The following AXL variants were observed in gnomAD, a reference collection of about 807,000 sequenced individuals.
The protein encoded by AXL is AXL receptor tyrosine kinase.
AXL carries 52 observed loss-of-function variants against 104.5 expected under a neutral mutation model. The ratio of observed to expected loss-of-function variants is 0.50; its 90% CI spans 0.40 to 0.63. The LOEUF (loss-of-function observed/expected upper bound fraction) is 0.63, where lower values mean the gene tolerates loss of function less well. Ranked by LOEUF, AXL falls within the 20% of genes least tolerant of loss-of-function variation. The pLI is 0.00. For missense variants in AXL, 1,024 were observed against 1,188.5 expected (o/e 0.86, Z 2.04); for synonymous variants, 455 against 473.7 (o/e 0.96, Z 0.51).
Position 41,242,906 on chromosome 19 carries a change from T to C in AXL, c.1336T>C (p.Phe446Leu), listed in dbSNP as rs767254271. The C allele has an allele frequency of 1.2e-6, 2 of 1,614,188 alleles. No homozygotes were observed. Among genetic ancestry groups the C allele is most frequent in the East Asian group, 4.5e-5 (2 of 44,876 alleles). Residue 446 changes from phenylalanine to leucine, a missense_variant, in exon 11 of 20, where the codon TTC becomes CTC. This residue lies in a region of AXL where 523 missense variants were observed against 636.0 expected (regional missense o/e 0.82). Coordinates refer to ENST00000301178, the MANE Select transcript of AXL (RefSeq NM_021913.5). Reference protein sequence around the residue: ...QLVKEPSTPAFSWPWWYVLLG... With the variant: ...QLVKEPSTPALSWPWWYVLLG... Reference sequence around the variant, plus strand: ...AGTGAAGGAACCTTCAACTCCTGCCTTCTCGTGGCCCTGGTGGTATGTACT... The same window carrying C: ...AGTGAAGGAACCTTCAACTCCTGCCCTCTCGTGGCCCTGGTGGTATGTACT...
chr19:41,243,519 A>G (rs1357822392), intron 11 of AXL, 97 bp from the exon 12 acceptor site: 4 of 943,872 alleles, frequency 4.2e-6, no homozygotes, highest in Non-Finnish European at 7.0e-6. Flanking sequence ...GAGGGCAGGC[A>G]GGGCTTGAGG....
At chr19:41,231,447 G>C in intron 6 of AXL, 149 bp downstream of exon 6, 1 of 725,616 alleles carries the variant, frequency 1.4e-6, no homozygotes, top group Non-Finnish European at 2.2e-6. Flanking sequence ...TCCTGGGTTC[G>C]AATCCTAGCT....
At chr19:41,228,586 G>A (rs11669668) in intron 4 of AXL, among the ~76,000 whole-genome samples, 3,610 of 152,074 alleles carry the variant, frequency 0.024, 65 homozygotes, top group Middle Eastern at 0.048. Flanking sequence ...GACACAATAC[G>A]TGAACTCCCC....
At chr19:41,254,273 T>C (rs1179595486) in intron 17 of AXL, among the ~76,000 whole-genome samples, 3 of 148,210 alleles carry the variant, frequency 2.0e-5, no homozygotes, top group African/African-American at 5.0e-5. Context: ...TGTGCGCCTG[T>C]AATCCCAACA....
intron 4 of AXL, among the ~76,000 whole-genome samples, chr19:41,223,251 C>T (rs1212442259): frequency 6.6e-6 from 1 of 152,126 alleles, no homozygotes; most frequent in East Asian, 1.9e-4. Flanking sequence ...GCCGAGATCA[C>T]ACCACTGCAC....
chr19:41,237,576 A>G (rs1479781649), intron 6 of AXL, among the ~76,000 whole-genome samples: 1 of 152,122 alleles, frequency 6.6e-6, no homozygotes, highest in Admixed American at 6.6e-5. Flanking sequence ...CACTATTATT[A>G]TCGGTGCTGA....
intron 6 of AXL, among the ~76,000 whole-genome samples, chr19:41,233,034 G>A (rs1379511571): frequency 6.6e-6 from 1 of 151,656 alleles, no homozygotes; most frequent in African/African-American, 2.4e-5. Context: ...CTGTTACCCA[G>A]ACTGGAGTGC....
At chr19:41,252,545 C>T (rs1444741987) in intron 15 of AXL, 102 bp downstream of exon 15, 5 of 1,344,316 alleles carry the variant, frequency 3.7e-6, no homozygotes, top group Admixed American at 1.9e-5. Flanking sequence ...TTCCAGGCTT[C>T]CTGCTCCCCG....
intron 12 of AXL, among the ~76,000 whole-genome samples, chr19:41,246,759 T>A (rs2034278449): frequency 6.6e-6 from 1 of 152,152 alleles, no homozygotes; most frequent in Admixed American, 6.5e-5. Flanking sequence ...CTGGCTATGT[T>A]GCCCAGGCTG....
At chr19:41,231,100 C>T (rs1026304928) in intron 5 of AXL, 53 bp downstream of exon 5, 21 of 1,610,382 alleles carry the variant, frequency 1.3e-5, no homozygotes, top group Middle Eastern at 1.7e-4. Flanking sequence ...GGTTTGGGTC[C>T]GGGGTCAGAG....
intron 16 of AXL, among the ~76,000 whole-genome samples, chr19:41,253,344 C>A (rs538351400): frequency 6.6e-6 from 1 of 152,176 alleles, no homozygotes; most frequent in South Asian, 2.1e-4. Context: ...TGGGAATGAT[C>A]ATCGTTTGTC....
intron 18 of AXL, among the ~76,000 whole-genome samples, chr19:41,257,099 A>T (rs1387213211): frequency 6.6e-6 from 1 of 152,120 alleles, no homozygotes. Context: ...GCTGCAGTGC[A>T]ATGGCATGAT....
intron 4 of AXL, chr19:41,226,684 C>T: frequency 7.5e-6 from 7 of 928,794 alleles, no homozygotes; most frequent in Non-Finnish European, 9.0e-6. Flanking sequence ...AACACATGCA[C>T]GTACACACCA....
intron 4 of AXL, among the ~76,000 whole-genome samples, chr19:41,224,993 G>GT (rs772669055): frequency 6.6e-6 from 1 of 152,124 alleles, no homozygotes; most frequent in African/African-American, 2.4e-5. Flanking sequence ...ACGAAACTGT[G>GT]TTTTTTTGTT....
chr19:41,257,036 T>TTA (rs771481757), intron 18 of AXL, among the ~76,000 whole-genome samples: 3 of 152,120 alleles, frequency 2.0e-5, no homozygotes, highest in African/African-American at 7.2e-5. Flanking sequence ...CAAGTATTTT[T>TTA]TATATATATA....
chr19:41,254,679 G>A (rs900547620), intron 17 of AXL, among the ~76,000 whole-genome samples: 7 of 152,016 alleles, frequency 4.6e-5, no homozygotes, highest in African/African-American at 1.7e-4. Context: ...AGCCCTTTGG[G>A]AGGCTGAGGC....
intron 4 of AXL, among the ~76,000 whole-genome samples, chr19:41,227,676 C>T (rs527289305): frequency 2.6e-5 from 4 of 151,888 alleles, no homozygotes; most frequent in South Asian, 2.1e-4. Context: ...TTAGTAGAGA[C>T]GGGGGTTTCA....
chr19:41,253,847 A>AG (rs1201370698), intron 17 of AXL, 139 bp downstream of exon 17: 1 of 692,556 alleles, frequency 1.4e-6, no homozygotes, highest in African/African-American at 1.8e-5. Flanking sequence ...AAAGTCAGTA[A>AG]GGGGGTCTGG....
At chr19:41,251,970 G>A (rs902241882) in intron 14 of AXL, among the ~76,000 whole-genome samples, 4 of 150,664 alleles carry the variant, frequency 2.7e-5, no homozygotes, top group Non-Finnish European at 4.4e-5. Context: ...AAAATTAGCC[G>A]GGTGTGGTGG....
Sources: allele counts gnomAD v4.1 joint callset (sites outside exome capture counted in the v4.1 genomes callset), GRCh38; gene constraint gnomAD v4.1.1; regional missense constraint gnomAD v4.1.1; transcripts MANE v1.5; gene names NCBI Gene and HGNC (gene_info 2026-07-23, HGNC 2026-07-21).